GLRX3: variants seen among roughly 807,000 people sequenced by gnomAD.
GLRX3 encodes the protein glutaredoxin-3.
Under a neutral mutation model 49.5 loss-of-function variants are expected in GLRX3, and 22 were observed. The observed-to-expected ratio is 0.44, with a 90% CI of 0.32 to 0.63. The LOEUF is 0.63. Among genes scored for constraint, GLRX3 ranks in the 30% least tolerant of loss-of-function variants. The pLI, the probability that GLRX3 is intolerant of heterozygous loss-of-function variation, is 0.05. For synonymous variants in GLRX3, 133 were observed against 140.0 expected, an observed-to-expected ratio of 0.95 and a Z score of 0.35; for missense variants, 385 against 396.3, an observed-to-expected ratio of 0.97 and a Z score of 0.24.
At chr10:130,164,747 A>C (rs1204043454) in intron 4 of GLRX3, among the ~76,000 whole-genome samples, 3 of 152,214 alleles carry the variant, frequency 2.0e-5, no homozygotes, top group Non-Finnish European at 4.4e-5. Flanking sequence ...AAAATGAAAC[A>C]CTACCAATCA....
chr10:130,169,793 GTT>G (rs1862769811), intron 7 of GLRX3, among the ~76,000 whole-genome samples: 1 of 152,254 alleles, frequency 6.6e-6, no homozygotes, highest in Admixed American at 6.5e-5. Flanking sequence ...CTTTGTTTGA[GTT>G]TGTGGACTGC....
At chr10:130,138,169 A>G (rs756765986) in intron 1 of GLRX3, among the ~76,000 whole-genome samples, 39 of 151,758 alleles carry the variant, frequency 2.6e-4, no homozygotes, top group Non-Finnish European at 4.6e-4. Flanking sequence ...CGATCCTCCC[A>G]CCTCAGCCTC....
intron 8 of GLRX3, among the ~76,000 whole-genome samples, chr10:130,173,501 T>C (rs1590074058): frequency 1.3e-5 from 2 of 152,200 alleles, no homozygotes; most frequent in African/African-American, 4.8e-5. Context: ...TCTTTTCCTT[T>C]AGTAGCCAAA....
intron 2 of GLRX3, among the ~76,000 whole-genome samples, chr10:130,156,962 A>C (rs898568467): frequency 3.9e-5 from 6 of 152,338 alleles, no homozygotes; most frequent in South Asian, 2.1e-4. Context: ...AATTAACCAT[A>C]GTATAGTGAA....
At chr10:130,149,665 G>C (rs1246257914) in intron 2 of GLRX3, among the ~76,000 whole-genome samples, 2 of 152,002 alleles carry the variant, frequency 1.3e-5, no homozygotes, top group African/African-American at 4.8e-5. Flanking sequence ...CTGGCAGAGG[G>C]GGGTGGGAGA....
chr10:130,176,854 C>T (rs568433045), intron 10 of GLRX3, among the ~76,000 whole-genome samples: 1 of 148,144 alleles, frequency 6.8e-6, no homozygotes, highest in South Asian at 2.1e-4. Context: ...CCCAAATACT[C>T]TTGAGCCTGT....
chr10:130,138,855 T>TTG (rs1862117925), intron 1 of GLRX3, among the ~76,000 whole-genome samples: 1 of 147,054 alleles, frequency 6.8e-6, no homozygotes, highest in Non-Finnish European at 1.5e-5. Context: ...GTGTTTTTTT[T>TTG]TTTTTTTTTT....
At chr10:130,177,033 G>A (rs537939869) in intron 10 of GLRX3, among the ~76,000 whole-genome samples, 103 of 152,188 alleles carry the variant, frequency 6.8e-4, no homozygotes, top group African/African-American at 1.8e-3. Context: ...GAACATATAC[G>A]TTTGAAATGT....
chr10:130,179,235 G>T, intron 10 of GLRX3, 107 bp from the exon 11 acceptor site: 1 of 619,178 alleles, frequency 1.6e-6, no homozygotes. Context: ...TAATCCAATA[G>T]GTGTTTCTTT....
chr10:130,170,569 C>T (rs1862784673), intron 7 of GLRX3, among the ~76,000 whole-genome samples: 1 of 151,732 alleles, frequency 6.6e-6, no homozygotes, highest in African/African-American at 2.4e-5. Context: ...TGTATTGAAA[C>T]AATAGAGGAA....
rs139517932 is a variant in GLRX3, at chr10:130,174,535, C to G, written c.825-332C>G. Among the ~76,000 whole-genome samples the G allele has an allele frequency of 7.2e-3, 1,092 of 152,250 alleles. 20 individuals are homozygous for G. The highest frequency in any genetic ancestry group is 0.025 in the African/African-American group (1,025 of 41,490). ...GTGGCTGCTTTTATGCTGACAGTTGCAGCAGAGAGCAGAACTGAGCAGTTG... is the reference window on the plus strand; with the variant it reads ...GTGGCTGCTTTTATGCTGACAGTTGGAGCAGAGAGCAGAACTGAGCAGTTG... On this transcript the variant is annotated intron_variant, in intron 8 of 10. Coordinates refer to ENST00000331244, the MANE Select transcript of GLRX3 (RefSeq NM_006541.5).
intron 2 of GLRX3, among the ~76,000 whole-genome samples, chr10:130,145,918 C>T (rs1171712): frequency 1.3e-5 from 2 of 151,966 alleles, no homozygotes; most frequent in African/African-American, 2.4e-5. Context: ...CTAAGCCTCC[C>T]GAGTAGCTGG....
At chr10:130,142,602 A>T (rs113045380) in intron 1 of GLRX3, among the ~76,000 whole-genome samples, 1 of 152,146 alleles carries the variant, frequency 6.6e-6, no homozygotes, top group Non-Finnish European at 1.5e-5. Flanking sequence ...CTCTGCCTGT[A>T]CAGATCTCTT....
chr10:130,169,871 C>T (rs760641059), intron 7 of GLRX3, among the ~76,000 whole-genome samples: 1 of 152,176 alleles, frequency 6.6e-6, no homozygotes, highest in Admixed American at 6.5e-5. Context: ...TGGGTTTGCA[C>T]CCCTAGATCG....
chr10:130,177,856 T>A (rs1359725163), intron 10 of GLRX3, among the ~76,000 whole-genome samples: 1 of 152,252 alleles, frequency 6.6e-6, no homozygotes, highest in Non-Finnish European at 1.5e-5. Context: ...TATTGATTGA[T>A]GTTTATGCTG....
At chr10:130,175,883 G>T (rs1200985816) in intron 10 of GLRX3, among the ~76,000 whole-genome samples, 6 of 152,186 alleles carry the variant, frequency 3.9e-5, no homozygotes, top group African/African-American at 1.4e-4. Context: ...ATCGAGGAGG[G>T]TGGTAGCTGG....
chr10:130,145,215 C>T lies in GLRX3; in HGVS notation c.97C>T (p.Leu33Phe). ...ATGCATTTAATTGATTTACAGGTCC[C>T]TCCTTGTGGTCCATTTCTGGGCACC... ...EELLRLKAKS[L>F]LVVHFWAPWA... The change falls in exon 2 of 11, where the codon CTC becomes TTC. Residue 33 changes from leucine (L) to phenylalanine (F), a missense_variant. Coordinates refer to ENST00000331244, the MANE Select transcript of GLRX3 (RefSeq NM_006541.5). 7.4e-7 allele frequency: 1 copy of T among 1,344,308 alleles called. No homozygotes were observed. The highest frequency in any genetic ancestry group is 1.3e-5 in the South Asian group (1 of 75,912). 83.3% of individuals were successfully genotyped at this position (1,344,308 alleles called of 1,614,324 possible). A position where few individuals can be genotyped will look rare whatever the true frequency, so the allele number is the denominator to read the frequency against.
intron 1 of GLRX3, among the ~76,000 whole-genome samples, chr10:130,144,556 A>G (rs1478011202): frequency 6.6e-6 from 1 of 151,880 alleles, no homozygotes; most frequent in Non-Finnish European, 1.5e-5. Context: ...AGAACATGCA[A>G]TGTTTGTTTT....
rs1184472451 is a variant in GLRX3 at position 130,167,110 on chromosome 10, T to C, written c.713+130T>C. On this transcript the variant is annotated intron_variant, in intron 6 of 10. Coordinates refer to ENST00000331244, the MANE Select transcript of GLRX3 (RefSeq NM_006541.5). ...TGGTATGCCAGACGTCATAATTGTTTAGTCACATTAGCCATTCAAACTTTG... is the reference window on the plus strand; with the variant it reads ...TGGTATGCCAGACGTCATAATTGTTCAGTCACATTAGCCATTCAAACTTTG... 3.2e-5 allele frequency: 17 copies of C among 527,132 alleles called. No individual in the cohort carries two copies. The East Asian group carries it at 4.3e-4, about 13-fold the overall frequency. The allele number at this position is 527,132 out of a possible 1,614,324, so 32.7% of individuals were successfully genotyped here.
Sources: allele counts gnomAD v4.1 joint callset (sites outside exome capture counted in the v4.1 genomes callset), GRCh38; gene constraint gnomAD v4.1.1; transcripts MANE v1.5; gene names NCBI Gene and HGNC (gene_info 2026-07-23, HGNC 2026-07-21).